Variants in KANSL1L observed in about 807,000 individuals in gnomAD.
KANSL1L encodes the protein KAT8 regulatory NSL complex subunit 1 like.
Under a neutral mutation model 108.6 loss-of-function variants are expected in KANSL1L, and 25 were observed. The ratio of observed to expected loss-of-function variants is 0.23; its 90% CI spans 0.17 to 0.32. The LOEUF is 0.32. Among genes scored for constraint, KANSL1L ranks in the 10% least tolerant of loss-of-function variants. The probability of loss-of-function intolerance (pLI) is 1.00; values close to 1 mark genes in which losing one functional copy is unlikely to be tolerated. For missense variants in KANSL1L, 1,137 were observed against 1,125.7 expected (o/e 1.01, Z -0.14); for synonymous variants, 405 against 395.1 (o/e 1.03, Z -0.30).
At chr2:210,109,459 T>C (rs1467684342) in intron 3 of KANSL1L, among the ~76,000 whole-genome samples, 1 of 152,156 alleles carries the variant, frequency 6.6e-6, no homozygotes, top group Non-Finnish European at 1.5e-5. Flanking sequence ...TATGACCATA[T>C]AGAATACTGT....
intron 4 of KANSL1L, among the ~76,000 whole-genome samples, chr2:210,101,370 A>G (rs752506737): frequency 1.3e-4 from 20 of 152,252 alleles, no homozygotes; most frequent in Non-Finnish European, 2.9e-4. Context: ...CTCAGGTCCA[A>G]CCTAAAAAAA....
At chr2:210,104,018 T>A in intron 4 of KANSL1L, 86 bp downstream of exon 4, 1 of 1,032,982 alleles carries the variant, frequency 9.7e-7, no homozygotes. Context: ...GCCAGGAAGA[T>A]ACACATATAA....
intron 5 of KANSL1L, among the ~76,000 whole-genome samples, chr2:210,085,973 C>A (rs1319697883): frequency 6.6e-6 from 1 of 151,054 alleles, no homozygotes; most frequent in African/African-American, 2.4e-5. Context: ...CAAAATTATA[C>A]TGAAAACATC....
Position 210,044,764 on chromosome 2 carries a change from GATTTTATTTTTT to G in KANSL1L, c.1756-672_1756-661del. Among the ~76,000 whole-genome samples, 1 of 151,980 alleles carries G rather than the reference GATTTTATTTTTT, an allele frequency of 6.6e-6. No homozygotes were observed. Among genetic ancestry groups the G allele is most frequent in the Non-Finnish European group, 1.5e-5 (1 of 67,934 alleles). ...TATAAAGTGACAAATTGCATTAACA[GATTTTATTTTTT>G]ATTTTATTTTTTTGAGACAGTCTCG... is the stretch of plus-strand genomic sequence containing the variant. On this transcript the variant is annotated intron_variant, in intron 6 of 14. Coordinates refer to ENST00000281772, the MANE Select transcript of KANSL1L (RefSeq NM_152519.4). This position sits in a 1 kb window ranked among gnomAD's most constrained non-coding sequence, Gnocchi z 4.2.
intron 2 of KANSL1L, among the ~76,000 whole-genome samples, chr2:210,138,990 T>C: frequency 6.6e-6 from 1 of 151,888 alleles, no homozygotes; most frequent in South Asian, 2.1e-4. Context: ...TCCCAGCTAC[T>C]GGGGAGGCTG....
chr2:210,075,626 G>A lies in KANSL1L; in HGVS notation c.1681C>T (p.Arg561Ter). The stretch of plus-strand genomic sequence containing the variant: ...TGGAAACTCTGAAGTGGCCTTGTTC[G>A]GGCTGATGTACTCATGAAAGTCAAG... ...SSLTFMSTSA[R>*]TRPLQSFHKR... The change falls in exon 6 of 15, where the codon CGA becomes TGA. Residue 561 changes from arginine (R) to a stop codon, truncating the protein, a stop_gained. Transcript: ENST00000281772. LOFTEE classifies it high-confidence loss of function. 1.2e-6 allele frequency: 2 copies of A among 1,613,882 alleles called. No homozygotes were observed. The highest frequency in any genetic ancestry group is 1.7e-6 in the Non-Finnish European group (2 of 1,179,892).
chr2:210,029,062 G>T, intron 10 of KANSL1L, 93 bp from the exon 11 acceptor site: 3 of 1,066,996 alleles, frequency 2.8e-6, no homozygotes, highest in Non-Finnish European at 2.7e-6. Context: ...GGCAGTACAC[G>T]TTACATAATT....
At chr2:210,076,780 CTA>C (rs1037727490) in intron 5 of KANSL1L, among the ~76,000 whole-genome samples, 41 of 151,822 alleles carry the variant, frequency 2.7e-4, no homozygotes, top group Middle Eastern at 3.4e-3. Flanking sequence ...TTCATTTATA[CTA>C]TCATATTATA....
In KANSL1L at chr2:210,151,112, T is replaced by G. The variant is rs568092397; in HGVS notation, c.1088+2383A>C. Among the ~76,000 whole-genome samples the G allele has an allele frequency of 3.3e-5, 5 of 151,990 alleles. 1 individual carries two copies. The Middle Eastern group carries it at 0.017, about 517-fold the overall frequency. On this transcript the variant is annotated intron_variant, in intron 2 of 14. Transcript: ENST00000281772. ...CTCACTGCAACCTCCACCTCCTGGG[T>G]TCAAGCAATTCTCCTGCCTTAGCCT...
At chr2:210,048,732 A>T (rs2094254751) in intron 6 of KANSL1L, among the ~76,000 whole-genome samples, 1 of 145,936 alleles carries the variant, frequency 6.9e-6, no homozygotes, top group East Asian at 2.0e-4. Flanking sequence ...GTGTTCTGTG[A>T]TTTTTTTTTT....
chr2:210,154,136 T>C lies in KANSL1L; in HGVS notation c.447A>G (p.Val149=), dbSNP rs768992141. The change falls in exon 2 of 15, where the codon GTA becomes GTG. Residue 149 remains valine (V), a synonymous_variant. Transcript: ENST00000281772. ...TTATATTTGAATCCAGAATAATTTG[T>C]ACATCTTTCATGCACTGGCTCGTGG... ...SDTTSQCMKD[V]QIILDSNITK... is the part of the protein sequence containing the mutation. 2.5e-6 allele frequency: 4 copies of C among 1,614,114 alleles called. No individual in the cohort carries two copies. The South Asian group carries it at 3.3e-5, about 13-fold the overall frequency.
intron 3 of KANSL1L, among the ~76,000 whole-genome samples, chr2:210,108,928 G>A (rs2094877448): frequency 1.3e-5 from 2 of 151,930 alleles, no homozygotes; most frequent in African/African-American, 2.4e-5. Flanking sequence ...TCCTTTTCTT[G>A]TATAACACAT....
chr2:210,127,664 T>C (rs912716094), intron 3 of KANSL1L, among the ~76,000 whole-genome samples: 2 of 151,520 alleles, frequency 1.3e-5, no homozygotes, highest in African/African-American at 4.8e-5. Flanking sequence ...CCAGGCATGG[T>C]GGCACGAGCC....
At chr2:210,158,278 T>C (rs1057321494) in intron 1 of KANSL1L, among the ~76,000 whole-genome samples, 3 of 152,148 alleles carry the variant, frequency 2.0e-5, no homozygotes, top group Non-Finnish European at 4.4e-5. Context: ...CCAGCTGCCA[T>C]GTTATGAGCT....
chr2:210,133,982 A>G (rs1436998884), intron 2 of KANSL1L, among the ~76,000 whole-genome samples: 1 of 151,774 alleles, frequency 6.6e-6, no homozygotes, highest in Non-Finnish European at 1.5e-5. Context: ...ACTTCTCTCT[A>G]TTTTTGCTTA....
chr2:210,170,883 T>G (rs1270445094), intron 1 of KANSL1L, among the ~76,000 whole-genome samples: 1 of 19,764 alleles, frequency 5.1e-5, no homozygotes, highest in East Asian at 1.2e-3. Flanking sequence ...CCCCCACCCC[T>G]CCCTAGACCC....
chr2:210,131,801 C>T (rs375034595), intron 2 of KANSL1L, among the ~76,000 whole-genome samples: 29 of 151,532 alleles, frequency 1.9e-4, no homozygotes, highest in African/African-American at 6.3e-4. Context: ...CCAGGTTCAA[C>T]GGATTCTTGT....
chr2:210,136,889 T>G (rs1198605180), intron 2 of KANSL1L, among the ~76,000 whole-genome samples: 1 of 152,218 alleles, frequency 6.6e-6, no homozygotes, highest in African/African-American at 2.4e-5. Flanking sequence ...TATGCACTTC[T>G]GTATAACCTC....
chr2:210,156,884 C>A (rs1200547563), intron 1 of KANSL1L, among the ~76,000 whole-genome samples: 1 of 151,448 alleles, frequency 6.6e-6, no homozygotes, highest in African/African-American at 2.4e-5. Flanking sequence ...TGTATAATGT[C>A]TCAAAATGTA....
Sources: allele counts gnomAD v4.1 joint callset (sites outside exome capture counted in the v4.1 genomes callset), GRCh38; gene constraint gnomAD v4.1.1; non-coding constraint Gnocchi (gnomAD v3.1); transcripts MANE v1.5; gene names NCBI Gene and HGNC (gene_info 2026-07-23, HGNC 2026-07-21).